The following CDC42BPA variants were observed in gnomAD, a reference collection of about 807,000 sequenced individuals.
The protein encoded by CDC42BPA is CDC42 binding protein kinase alpha, also known as serine/threonine-protein kinase MRCK alpha.
CDC42BPA carries 80 observed loss-of-function variants against 223.5 expected under a neutral mutation model. The observed-to-expected ratio is 0.36, with a 90% CI of 0.30 to 0.43. The LOEUF is 0.43. Among genes scored for constraint, CDC42BPA ranks in the 20% least tolerant of loss-of-function variants. The pLI, the probability that CDC42BPA is intolerant of heterozygous loss-of-function variation, is 1.00. For missense variants in CDC42BPA, 1,743 were observed against 2,099.9 expected (o/e 0.83, Z 3.32); for synonymous variants, 694 against 718.6 (o/e 0.97, Z 0.55).
intron 6 of CDC42BPA, among the ~76,000 whole-genome samples, chr1:227,159,836 G>T (rs911708181): frequency 1.1e-4 from 17 of 151,396 alleles, no homozygotes; most frequent in African/African-American, 4.1e-4. Context: ...TTTTTTTTCT[G>T]GGTGGCTCTG....
chr1:227,158,747 T>C (rs538989328), intron 6 of CDC42BPA, among the ~76,000 whole-genome samples: 1 of 152,276 alleles, frequency 6.6e-6, no homozygotes, highest in South Asian at 2.1e-4. Context: ...GCTTGATCAT[T>C]AGTATTCTGG....
intron 10 of CDC42BPA, among the ~76,000 whole-genome samples, chr1:227,131,056 C>T (rs1023649971): frequency 6.6e-6 from 1 of 152,148 alleles, no homozygotes; most frequent in Non-Finnish European, 1.5e-5. Context: ...TCTTCCCTAT[C>T]TTACTCTTTT....
chr1:227,192,441 C>T (rs1669880473), intron 5 of CDC42BPA, among the ~76,000 whole-genome samples: 1 of 152,162 alleles, frequency 6.6e-6, no homozygotes, highest in African/African-American at 2.4e-5. Flanking sequence ...TGGGTTTCAA[C>T]CACCCTTCCT....
At chr1:227,054,345 G>T (rs1028655617) in intron 21 of CDC42BPA, among the ~76,000 whole-genome samples, 14 of 152,186 alleles carry the variant, frequency 9.2e-5, no homozygotes, top group Non-Finnish European at 2.1e-4. Flanking sequence ...TCTGCTCTTT[G>T]AGCTGTTTAA....
intron 10 of CDC42BPA, among the ~76,000 whole-genome samples, chr1:227,133,973 G>GAATAAATGAATAAATA (rs1553355411): frequency 6.8e-6 from 1 of 146,288 alleles, no homozygotes; most frequent in Non-Finnish European, 1.5e-5. Flanking sequence ...AAAAATAAAT[G>GAATAAATGAATAAATA]AATAAATAAA....
rs1663680072 is a variant in CDC42BPA at position 227,160,479 on chromosome 1, A to AT, written c.693+63dup. The AT allele has an allele frequency of 5.5e-5, 56 of 1,017,846 alleles. No homozygotes were observed. In the South Asian group the frequency reaches 7.1e-4, roughly 13 times the overall value. The allele number at this position is 1,017,846 out of a possible 1,614,324, so 63.1% of individuals were successfully genotyped here. ...TAAATAGATGGTTTCTAAAACAGAT[A>AT]TATCAGACAAATAGCAAGGGAAATG... is the stretch of plus-strand genomic sequence containing the variant. On this transcript the variant is annotated intron_variant, in intron 6 of 36. Transcript: ENST00000366766.
chr1:227,289,208 C>T (rs978161278), intron 1 of CDC42BPA, among the ~76,000 whole-genome samples: 17 of 152,108 alleles, frequency 1.1e-4, no homozygotes, highest in African/African-American at 3.9e-4. Flanking sequence ...GCTCAAAACT[C>T]TGCACTGGCT....
Position 227,026,167 on chromosome 1 carries a change from G to C in CDC42BPA, c.4433-15C>G. 7.1e-7 allele frequency: 1 copy of C among 1,412,604 alleles called. No homozygotes were observed. The highest frequency in any genetic ancestry group is 9.9e-7 in the Non-Finnish European group (1 of 1,010,948). The allele number at this position is 1,412,604 out of a possible 1,614,324, so 87.5% of individuals were successfully genotyped here. A position where few individuals can be genotyped will look rare whatever the true frequency, so the allele number is the denominator to read the frequency against. On this transcript the variant is annotated splice_polypyrimidine_tract_variant and intron_variant, in intron 30 of 36. Transcript: ENST00000366766. ...TGCATTGTAACCTGGGAGAAGGGAAGGGGGGGCAGCTTGCGGATTACTTTT... is the reference window on the plus strand; with the variant it reads ...TGCATTGTAACCTGGGAGAAGGGAACGGGGGGCAGCTTGCGGATTACTTTT...
intron 14 of CDC42BPA, among the ~76,000 whole-genome samples, chr1:227,109,870 A>G (rs904207834): frequency 2.0e-5 from 3 of 151,846 alleles, no homozygotes; most frequent in African/African-American, 7.3e-5. Flanking sequence ...ATTGTTGTAT[A>G]TGCAGTCTGT....
chr1:227,092,313 G>A (rs573187720), intron 15 of CDC42BPA, among the ~76,000 whole-genome samples: 2 of 152,306 alleles, frequency 1.3e-5, no homozygotes, highest in South Asian at 4.1e-4. Context: ...GACTGCCAAT[G>A]AAGAGTGAGT....
At chr1:227,017,129 G>T in intron 32 of CDC42BPA, 79 bp from the exon 33 acceptor site, 1 of 1,301,876 alleles carries the variant, frequency 7.7e-7, no homozygotes, top group Non-Finnish European at 1.1e-6. Context: ...CTCCAAGACA[G>T]TACAAACATT....
chr1:227,301,275 C>G (rs1691572144), intron 1 of CDC42BPA, among the ~76,000 whole-genome samples: 1 of 152,068 alleles, frequency 6.6e-6, no homozygotes. Context: ...GTTTTGAGCT[C>G]CTCGATTACA....
intron 34 of CDC42BPA, chr1:227,010,970 C>G: frequency 7.3e-7 from 1 of 1,363,134 alleles, no homozygotes; most frequent in South Asian, 1.1e-5. Flanking sequence ...AATTTTTCAG[C>G]AGAATTAACA....
chr1:227,168,513 T>TTTTTTTTTTA (rs57522937), intron 5 of CDC42BPA, among the ~76,000 whole-genome samples: 1 of 145,650 alleles, frequency 6.9e-6, no homozygotes, highest in African/African-American at 2.6e-5. Context: ...TTTTTTTTTT[T>TTTTTTTTTTA]GAGGCAGAGT....
intron 17 of CDC42BPA, among the ~76,000 whole-genome samples, chr1:227,079,908 C>T (rs997676225): frequency 2.0e-5 from 3 of 150,654 alleles, no homozygotes; most frequent in African/African-American, 7.3e-5. Context: ...ATGAGATTAT[C>T]TTGGGGATGG....
chr1:227,040,750 G>A (rs190873331), intron 23 of CDC42BPA, among the ~76,000 whole-genome samples: 48 of 152,214 alleles, frequency 3.2e-4, no homozygotes, highest in African/African-American at 1.1e-3. Context: ...TATGGAAAGA[G>A]GCAGTATAAC....
At chr1:227,060,032 T>TG (rs1553318010) in intron 21 of CDC42BPA, among the ~76,000 whole-genome samples, 2 of 132,608 alleles carry the variant, frequency 1.5e-5, no homozygotes, top group Non-Finnish European at 1.7e-5. Context: ...TTTTTTTTGT[T>TG]TTTTTTTTTT....
intron 17 of CDC42BPA, among the ~76,000 whole-genome samples, chr1:227,078,171 C>T (rs1477997489): frequency 6.6e-6 from 1 of 152,120 alleles, no homozygotes; most frequent in African/African-American, 2.4e-5. Flanking sequence ...GGATATTTTA[C>T]TAAACTCAGG....
rs752728241 is a variant in CDC42BPA, at chr1:227,035,489, T to A, written c.3318A>T (p.Ala1106=). The A allele has an allele frequency of 2.7e-5, 44 of 1,609,872 alleles. No individual in the cohort carries two copies. Among genetic ancestry groups the A allele is most frequent in the Non-Finnish European group, 3.6e-5 (43 of 1,178,780 alleles). Residue 1106 remains alanine, a synonymous_variant, in exon 25 of 37, where the codon GCA becomes GCT. Transcript: ENST00000366766. ...TACTTACCCTGACATGACCTTCATA[T>A]GCTGTTCCTATTCCTTTCTGAGGAT... ...GIDPQKGIGT[A]YEGHVRIPKP...
Sources: gnomAD v4.1 joint callset for allele counts (sites outside exome capture counted in the v4.1 genomes callset) on GRCh38, gnomAD v4.1.1 for gene constraint, MANE v1.5 for transcripts, NCBI Gene and HGNC (gene_info 2026-07-23, HGNC 2026-07-21) for gene names.